LCP2: variants seen among roughly 807,000 people sequenced by gnomAD.
LCP2 encodes 76 kDa tyrosine phosphoprotein.
A neutral mutation model predicts 74.5 loss-of-function variants in LCP2; 29 were observed. The observed-to-expected ratio is 0.39, with a 90% CI of 0.29 to 0.53. LCP2 has a LOEUF of 0.53. Ranked by LOEUF, LCP2 falls within the 20% of genes least tolerant of loss-of-function variation. The pLI, the probability that LCP2 is intolerant of heterozygous loss-of-function variation, is 0.72. For synonymous variants in LCP2, 228 were observed against 229.5 expected (o/e 0.99, Z 0.06); for missense variants, 604 against 634.6 (o/e 0.95, Z 0.52).
chr5:170,259,204 C>T (rs1761612272), intron 14 of LCP2, among the ~76,000 whole-genome samples: 1 of 152,088 alleles, frequency 6.6e-6, no homozygotes, highest in Non-Finnish European at 1.5e-5. Flanking sequence ...GATTCATACA[C>T]AAGATTTCAT....
chr5:170,265,200 G>T (rs1486982000), intron 10 of LCP2, among the ~76,000 whole-genome samples: 1 of 150,604 alleles, frequency 6.6e-6, no homozygotes, highest in Non-Finnish European at 1.5e-5. Context: ...TGTTAGCCAG[G>T]ATGGTCTCCA....
At position 170,247,914 on chromosome 5, in the gene LCP2, C is replaced by G. The variant is rs1008031772; in HGVS notation, c.*783G>C. The stretch of plus-strand genomic sequence containing the variant: ...GTGGGTGTGGAGATGTGAAGAAATG[C>G]CAACTTAACCCCAGATGTGTTCATT... On this transcript the variant is annotated 3_prime_UTR_variant, in exon 21 of 21. Coordinates refer to ENST00000046794, the MANE Select transcript of LCP2 (RefSeq NM_005565.5). The G allele has an allele frequency of 1.3e-5, 2 of 152,164 alleles. No individual in the cohort carries two copies. Among genetic ancestry groups the G allele is most frequent in the Non-Finnish European group, 2.9e-5 (2 of 68,032 alleles). The allele number at this position is 152,164 out of a possible 1,614,324, so 9.4% of individuals were successfully genotyped here. A position where few individuals can be genotyped will look rare whatever the true frequency, so the allele number is the denominator to read the frequency against.
chr5:170,264,530 A>G (rs1761713826), intron 10 of LCP2, among the ~76,000 whole-genome samples: 2 of 152,250 alleles, frequency 1.3e-5, no homozygotes, highest in Admixed American at 1.3e-4. Context: ...GCTTACTGAC[A>G]CTGAGTGTGG....
chr5:170,253,951 G>GT (rs1424300521), intron 17 of LCP2, among the ~76,000 whole-genome samples: 1 of 152,148 alleles, frequency 6.6e-6, no homozygotes, highest in Non-Finnish European at 1.5e-5. Flanking sequence ...GTTTATTGCA[G>GT]TTGCCCAGGG....
At chr5:170,283,730 TC>T (rs937252634) in intron 3 of LCP2, among the ~76,000 whole-genome samples, 2 of 152,050 alleles carry the variant, frequency 1.3e-5, no homozygotes, top group Non-Finnish European at 2.9e-5. Flanking sequence ...TGCTTTCCAC[TC>T]CCCCAGGTAT....
chr5:170,286,433 G>A (rs923627591), intron 3 of LCP2, among the ~76,000 whole-genome samples: 1 of 152,198 alleles, frequency 6.6e-6, no homozygotes. Context: ...TGTGTGGAAA[G>A]TTCCCTCTTT....
intron 6 of LCP2, 150 bp downstream of exon 6, chr5:170,274,151 G>T: frequency 1.3e-6 from 1 of 752,868 alleles, no homozygotes; most frequent in Non-Finnish European, 2.3e-6. Flanking sequence ...TTCCTGTCTG[G>T]CCCTGTGCAG....
intron 14 of LCP2, among the ~76,000 whole-genome samples, chr5:170,259,633 T>C (rs1761618524): frequency 1.3e-5 from 2 of 152,330 alleles, no homozygotes; most frequent in Non-Finnish European, 1.5e-5. Context: ...CTCAAAGTGT[T>C]GTTAGAAGGA....
At chr5:170,291,005 A>G (rs991666524) in intron 2 of LCP2, among the ~76,000 whole-genome samples, 2 of 149,930 alleles carry the variant, frequency 1.3e-5, no homozygotes, top group Non-Finnish European at 3.0e-5. Flanking sequence ...AGAAAGAGAG[A>G]AAGAAAGAGA....
chr5:170,257,942 T>A, intron 16 of LCP2, 95 bp downstream of exon 16: 1 of 1,386,868 alleles, frequency 7.2e-7, no homozygotes, highest in Non-Finnish European at 1.0e-6. Flanking sequence ...TATCTACCCG[T>A]CATTTCCTTC....
Position 170,275,303 on chromosome 5 carries a change from A to G in LCP2, c.286+17T>C. On this transcript the variant is annotated intron_variant, in intron 5 of 20. Coordinates refer to ENST00000046794, the MANE Select transcript of LCP2 (RefSeq NM_005565.5). Reference sequence around the variant, plus strand: ...TCACCTCCTAAAGCAATCACCTCTGAGCCCTGAGAGCTTTACCTGTCTCTT... The same window carrying G: ...TCACCTCCTAAAGCAATCACCTCTGGGCCCTGAGAGCTTTACCTGTCTCTT... The G allele has an allele frequency of 1.2e-6, 2 of 1,613,956 alleles. No individual in the cohort carries two copies. Among genetic ancestry groups the G allele is most frequent in the Non-Finnish European group, 8.5e-7 (1 of 1,179,828 alleles).
chr5:170,286,829 C>T (rs1260930886), intron 3 of LCP2, among the ~76,000 whole-genome samples: 1 of 152,168 alleles, frequency 6.6e-6, no homozygotes, highest in Non-Finnish European at 1.5e-5. Flanking sequence ...CTTTGGCCTA[C>T]TTCCCTTTTA....
intron 14 of LCP2, among the ~76,000 whole-genome samples, chr5:170,260,404 G>T (rs942452287): frequency 2.0e-5 from 3 of 152,250 alleles, no homozygotes; most frequent in African/African-American, 7.2e-5. Context: ...GGCTTATGGT[G>T]TAGAGAAACT....
rs315717 is a variant in LCP2, at chr5:170,258,159, C to G, written c.978G>C (p.Gln326His). ...RRENDEDDVH[Q>H]RPLPQPALLP... is the part of the protein sequence containing the mutation. ...GTAGTGCTGGCTGGGGCAAAGGTCTCTGATGCACTGTGCAGAAGTAGAAAA... is the reference window on the plus strand; with the variant it reads ...GTAGTGCTGGCTGGGGCAAAGGTCTGTGATGCACTGTGCAGAAGTAGAAAA... The change falls in exon 16 of 21, where the codon CAG becomes CAC. Residue 326 changes from glutamine to histidine, a missense_variant. By Grantham distance (24) the Gln-to-His change is conservative. Coordinates refer to ENST00000046794, the MANE Select transcript of LCP2 (RefSeq NM_005565.5). 6.2e-7 allele frequency: 1 copy of G among 1,612,716 alleles called. No homozygotes were observed. The highest frequency in any genetic ancestry group is 1.3e-5 in the African/African-American group (1 of 74,800).
chr5:170,270,301 A>T (rs545951269), intron 7 of LCP2, among the ~76,000 whole-genome samples: 4 of 152,360 alleles, frequency 2.6e-5, no homozygotes, highest in African/African-American at 9.6e-5. Context: ...CTTCATGTTT[A>T]TTCTAGCATA....
At chr5:170,266,156 A>G (rs1581063416) in intron 10 of LCP2, among the ~76,000 whole-genome samples, 1 of 152,190 alleles carries the variant, frequency 6.6e-6, no homozygotes, top group Non-Finnish European at 1.5e-5. Context: ...TAAGAATTGA[A>G]TTGAAAATAG....
At position 170,274,203 on chromosome 5, in the gene LCP2, T is replaced by G. The variant is rs1761946157; in HGVS notation, c.324+98A>C. On this transcript the variant is annotated intron_variant, in intron 6 of 20. Transcript: ENST00000046794. ...CCTGGGTGGGTGTGCTGGCATCATG[T>G]TAGAGCCCCGCTTCACTTGGCTCCA... 3 of 1,277,192 alleles carry G rather than the reference T, an allele frequency of 2.3e-6. No homozygotes were observed. The East Asian group carries it at 7.5e-5, about 32-fold the overall frequency. 79.1% of individuals were successfully genotyped at this position (1,277,192 alleles called of 1,614,324 possible). A position where few individuals can be genotyped will look rare whatever the true frequency, so the allele number is the denominator to read the frequency against.
chr5:170,261,920 T>A (rs994779663), intron 13 of LCP2, among the ~76,000 whole-genome samples: 4 of 152,246 alleles, frequency 2.6e-5, no homozygotes, highest in Non-Finnish European at 5.9e-5. Flanking sequence ...GCATTTATTT[T>A]GATTTTTTAA....
chr5:170,280,499 C>A (rs780209872), intron 3 of LCP2, among the ~76,000 whole-genome samples: 38 of 152,268 alleles, frequency 2.5e-4, no homozygotes, highest in African/African-American at 9.1e-4. Flanking sequence ...CCGGGGGCAG[C>A]CAGATGTTTT....
Sources: allele counts gnomAD v4.1 joint callset (sites outside exome capture counted in the v4.1 genomes callset), GRCh38; gene constraint gnomAD v4.1.1; transcripts MANE v1.5; gene names NCBI Gene and HGNC (gene_info 2026-07-23, HGNC 2026-07-21).